The following SLC7A2 variants were observed in gnomAD, a reference collection of about 807,000 sequenced individuals.
SLC7A2 encodes solute carrier family 7 member 2, also known as cationic amino acid transporter 2.
Under a neutral mutation model 58.9 loss-of-function variants are expected in SLC7A2, and 48 were observed. The ratio of observed to expected loss-of-function variants is 0.82; its 90% CI spans 0.65 to 1.04. The LOEUF is 1.04. Among genes scored for constraint, SLC7A2 ranks in the 50% least tolerant of loss-of-function variants. SLC7A2 has a pLI of 0.00. For missense variants in SLC7A2, 1,029 were observed against 818.8 expected, an observed-to-expected ratio of 1.26 and a Z score of -3.13; for synonymous variants, 363 against 314.5, an observed-to-expected ratio of 1.15 and a Z score of -1.63.
intron 2 of SLC7A2, 101 bp from the exon 3 acceptor site, chr8:17,543,205 CACACACACACAA>C (rs956554536): frequency 1.2e-5 from 12 of 960,982 alleles, no homozygotes; most frequent in African/African-American, 3.3e-5. Flanking sequence ...CACACACACA[CACACACACACAA>C]ACACACACAC....
chr8:17,539,592 A>T (rs534384179), intron 2 of SLC7A2, among the ~76,000 whole-genome samples: 16 of 152,298 alleles, frequency 1.1e-4, no homozygotes, highest in African/African-American at 3.6e-4. Flanking sequence ...AGGGATGTTG[A>T]TCAGAGCCTT....
rs1476731291 is a variant in SLC7A2 at position 17,549,069 on chromosome 8, A to G, written c.698+226A>G. Among the ~76,000 whole-genome samples, 3 of 152,268 alleles carry G rather than the reference A, an allele frequency of 2.0e-5. No homozygotes were observed. In the East Asian group the frequency reaches 5.8e-4, roughly 29 times the overall value. On this transcript the variant is annotated intron_variant, in intron 5 of 12. Coordinates refer to ENST00000494857, the MANE Select transcript of SLC7A2 (RefSeq NM_001370338.1). Reference sequence around the variant, plus strand: ...ACATGGTGGCAGACAAGAGGAGAGAACTTGTGCAGGGAAACTCTCCCTTAT... The same window carrying G: ...ACATGGTGGCAGACAAGAGGAGAGAGCTTGTGCAGGGAAACTCTCCCTTAT...
chr8:17,498,203 C>A (rs916675894), intron 1 of SLC7A2, among the ~76,000 whole-genome samples: 3 of 152,168 alleles, frequency 2.0e-5, no homozygotes, highest in African/African-American at 7.2e-5. Context: ...GACGTTTGTG[C>A]AGAAACACTA....
chr8:17,555,569 A>G (rs1802657963), intron 8 of SLC7A2, among the ~76,000 whole-genome samples: 2 of 151,774 alleles, frequency 1.3e-5, no homozygotes, highest in South Asian at 4.1e-4. Context: ...AATAAGAAAT[A>G]TTCAAGATGA....
Position 17,554,588 on chromosome 8 carries a change from C to A in SLC7A2, c.1084C>A (p.Arg362Ser). 1 of 1,607,934 alleles carries A rather than the reference C, an allele frequency of 6.2e-7. No individual in the cohort carries two copies. The highest frequency in any genetic ancestry group is 8.5e-7 in the Non-Finnish European group (1 of 1,178,514). ...TCTTGGATCCATTTTCCCAATGCCTCGTGTAATCTATGCTATGGCGGAGGA... is the reference window on the plus strand; with the variant it reads ...TCTTGGATCCATTTTCCCAATGCCTAGTGTAATCTATGCTATGGCGGAGGA... ...SLLGSIFPMP[R>S]VIYAMAEDGL... The change falls in exon 8 of 13, where the codon CGT becomes AGT. Residue 362 changes from arginine (R) to serine (S), a missense_variant. Transcript: ENST00000494857.
At chr8:17,538,712 G>A (rs2150729169) in intron 2 of SLC7A2, 3 of 1,281,828 alleles carry the variant, frequency 2.3e-6, no homozygotes, top group East Asian at 2.5e-5. Context: ...AAAGATCTAG[G>A]GCAAAAACAG....
Sources: allele counts gnomAD v4.1 joint callset (sites outside exome capture counted in the v4.1 genomes callset), GRCh38; gene constraint gnomAD v4.1.1; transcripts MANE v1.5; gene names NCBI Gene and HGNC (gene_info 2026-07-23, HGNC 2026-07-21).